Variants in HECTD2 observed in about 807,000 individuals in gnomAD.
HECTD2 encodes the protein HECT domain E3 ubiquitin protein ligase 2.
A neutral mutation model predicts 103.2 loss-of-function variants in HECTD2; 35 were observed. The observed-to-expected ratio is 0.34, with a 90% confidence interval of 0.26 to 0.45. The LOEUF is 0.45. HECTD2 is among the 20% of genes least tolerant of loss of function. HECTD2 has a pLI of 1.00. For missense variants in HECTD2, 596 were observed against 937.4 expected (o/e 0.64, Z 4.76); for synonymous variants, 281 against 329.9 (o/e 0.85, Z 1.61).
intron 6 of HECTD2, among the ~76,000 whole-genome samples, chr10:91,479,549 TCTGA>T (rs1483568440): frequency 2.6e-5 from 4 of 152,192 alleles, no homozygotes; most frequent in African/African-American, 4.8e-5. Flanking sequence ...ACTTTTAATG[TCTGA>T]CTAATAACTT....
At chr10:91,494,081 G>A (rs1187865793) in intron 14 of HECTD2, among the ~76,000 whole-genome samples, 1 of 151,908 alleles carries the variant, frequency 6.6e-6, no homozygotes, top group African/African-American at 2.4e-5. Flanking sequence ...TTCTGCATTG[G>A]GTAGGAGATT....
chr10:91,487,561 T>C lies in HECTD2; in HGVS notation c.1095-121T>C. The C allele has an allele frequency of 9.5e-6, 7 of 738,214 alleles. No individual in the cohort carries two copies. The highest frequency in any genetic ancestry group is 1.8e-5 in the Non-Finnish European group (7 of 398,714). 45.7% of individuals were successfully genotyped at this position (738,214 alleles called of 1,614,324 possible). The stretch of plus-strand genomic sequence containing the variant: ...TATACACATACAATCATTTTGTATA[T>C]GGTAAAACACAATCCAAAAGTAATG... On this transcript the variant is annotated intron_variant, in intron 10 of 20. Transcript: ENST00000298068. The surrounding 1 kb of genome is among the most constrained non-coding windows in gnomAD (Gnocchi z 4.1).
chr10:91,504,200 A>C (rs1283223075), intron 20 of HECTD2, among the ~76,000 whole-genome samples: 2 of 152,202 alleles, frequency 1.3e-5, no homozygotes, highest in Admixed American at 6.5e-5. Context: ...AAAAACTGGA[A>C]ACTCTAAAAA....
intron 2 of HECTD2, among the ~76,000 whole-genome samples, chr10:91,431,699 C>T (rs1027943743): frequency 1.3e-5 from 2 of 152,032 alleles, no homozygotes; most frequent in East Asian, 1.9e-4. Flanking sequence ...GCATTCTTCA[C>T]GTGGTTCTCG....
At chr10:91,474,538 T>C (rs191355042) in intron 5 of HECTD2, among the ~76,000 whole-genome samples, 144 of 152,210 alleles carry the variant, frequency 9.5e-4, no homozygotes, top group African/African-American at 3.1e-3. Context: ...ATCACTGGAA[T>C]TGGGAAGGTT....
intron 20 of HECTD2, among the ~76,000 whole-genome samples, chr10:91,509,372 A>G (rs1847332895): frequency 6.6e-6 from 1 of 152,176 alleles, no homozygotes; most frequent in Non-Finnish European, 1.5e-5. Flanking sequence ...GGGAATGTAA[A>G]TTATTTTAGC....
rs1165558468 is a variant in HECTD2, at chr10:91,514,011, C to G, written c.*1627C>G. On this transcript the variant is annotated 3_prime_UTR_variant, in exon 21 of 21. Coordinates refer to ENST00000298068, the MANE Select transcript of HECTD2 (RefSeq NM_182765.6). Reference sequence around the variant, plus strand: ...AAAGCCTAAGAGAGTTAAAGGCATCCTGGTTTTGTTTCATTTTGCTCTGTT... The same window carrying G: ...AAAGCCTAAGAGAGTTAAAGGCATCGTGGTTTTGTTTCATTTTGCTCTGTT... 1.3e-5 allele frequency: 2 copies of G among 152,562 alleles called. No individual in the cohort carries two copies. Among genetic ancestry groups the G allele is most frequent in the African/African-American group, 2.4e-5 (1 of 41,438 alleles). 9.5% of individuals were successfully genotyped at this position (152,562 alleles called of 1,614,324 possible).
At chr10:91,456,795 G>A (rs997902626) in intron 2 of HECTD2, among the ~76,000 whole-genome samples, 4 of 151,928 alleles carry the variant, frequency 2.6e-5, no homozygotes, top group African/African-American at 7.3e-5. Flanking sequence ...TTTAGCTCAC[G>A]GACGTAGGAA....
At chr10:91,418,797 T>G (rs1843234366) in intron 1 of HECTD2, among the ~76,000 whole-genome samples, 1 of 152,146 alleles carries the variant, frequency 6.6e-6, no homozygotes, top group Admixed American at 6.5e-5. Context: ...TTAGGTCAGT[T>G]TATTAAAAAT....
chr10:91,503,028 G>A (rs1445723657), intron 20 of HECTD2, among the ~76,000 whole-genome samples: 1 of 152,062 alleles, frequency 6.6e-6, no homozygotes, highest in Non-Finnish European at 1.5e-5. Context: ...ATCTTATAAG[G>A]TCCACCATTG....
intron 2 of HECTD2, among the ~76,000 whole-genome samples, chr10:91,425,859 A>G (rs1482044648): frequency 6.6e-6 from 1 of 151,940 alleles, no homozygotes; most frequent in Non-Finnish European, 1.5e-5. Context: ...GGTAGTTTGA[A>G]TGGAAAAGCT....
chr10:91,477,037 C>T (rs1422233639), intron 5 of HECTD2, among the ~76,000 whole-genome samples: 3 of 152,000 alleles, frequency 2.0e-5, no homozygotes, highest in Admixed American at 6.5e-5. Flanking sequence ...AAAAATTAGC[C>T]GGGCGCGGTG....
intron 2 of HECTD2, among the ~76,000 whole-genome samples, chr10:91,458,713 A>G (rs553791029): frequency 2.0e-5 from 3 of 151,894 alleles, no homozygotes; most frequent in Non-Finnish European, 4.4e-5. Flanking sequence ...ATTAACCCCA[A>G]ACTCACACCT....
chr10:91,458,124 A>G (rs1373117964), intron 2 of HECTD2, among the ~76,000 whole-genome samples: 1 of 151,878 alleles, frequency 6.6e-6, no homozygotes, highest in African/African-American at 2.4e-5. Context: ...TACAAAAATC[A>G]GTTATATTTC....
chr10:91,498,838 C>T, intron 16 of HECTD2, 34 bp from the exon 17 acceptor site: 5 of 1,242,508 alleles, frequency 4.0e-6, no homozygotes, highest in Non-Finnish European at 5.8e-6. Context: ...ATTATATCAA[C>T]CATATTAATA....
chr10:91,414,572 A>G (rs72819209), intron 1 of HECTD2, among the ~76,000 whole-genome samples: 2,380 of 152,368 alleles, frequency 0.016, 34 homozygotes, highest in Middle Eastern at 0.037. Context: ...TAAAAACCAC[A>G]ATGAGCCATA....
rs917514607 is a variant in HECTD2, at chr10:91,499,075, G to C, written c.1875G>C (p.Leu625=). Residue 625 remains leucine (L), a synonymous_variant, in exon 18 of 21, where the codon CTG becomes CTC. Transcript: ENST00000298068. ...EYVQLYTDFL[L]NKSIYKQFAA... is the part of the protein sequence containing the mutation. ...TACAGCTTTATACTGACTTCCTTCT[G>C]AACAAATCCATCTATAAGCAGTTTG... is the stretch of plus-strand genomic sequence containing the variant. The C allele has an allele frequency of 1.2e-6, 2 of 1,612,628 alleles. No homozygotes were observed. The highest frequency in any genetic ancestry group is 2.7e-5 in the African/African-American group (2 of 74,864).
chr10:91,505,076 A>G lies in HECTD2; in HGVS notation c.2210+3742A>G, dbSNP rs1419317579. ...ACTTTACAGACAAGCAAATGCTGAG[A>G]GATTTTGTCACCACCAGGCCTGCCC... On this transcript the variant is annotated intron_variant, in intron 20 of 20. Transcript: ENST00000298068. Among the ~76,000 whole-genome samples, 5 of 151,924 alleles carry G rather than the reference A, an allele frequency of 3.3e-5. No individual in the cohort carries two copies. The South Asian group carries it at 6.2e-4, about 19-fold the overall frequency.
At chr10:91,466,760 A>T (rs1372161619) in intron 5 of HECTD2, among the ~76,000 whole-genome samples, 2 of 152,186 alleles carry the variant, frequency 1.3e-5, no homozygotes, top group African/African-American at 2.4e-5. Context: ...GTCCTTCCAT[A>T]GGTGAAGGGA....
Sources: allele counts gnomAD v4.1 joint callset (sites outside exome capture counted in the v4.1 genomes callset), GRCh38; gene constraint gnomAD v4.1.1; non-coding constraint Gnocchi (gnomAD v3.1); transcripts MANE v1.5; gene names NCBI Gene and HGNC (gene_info 2026-07-23, HGNC 2026-07-21).